ADGRF1: variants seen among roughly 807,000 people sequenced by gnomAD.
ADGRF1 encodes the protein G protein-coupled receptor 110.
Under a neutral mutation model 87.2 loss-of-function variants are expected in ADGRF1, and 85 were observed. That is an observed-to-expected ratio of 0.97 (90% CI 0.82 to 1.17). ADGRF1 has a LOEUF of 1.17. Among genes scored for constraint, ADGRF1 ranks in the 50% most tolerant of loss-of-function variants. The pLI, the probability that ADGRF1 is intolerant of heterozygous loss-of-function variation, is 0.00. For missense variants in ADGRF1, 1,169 were observed against 1,077.2 expected (o/e 1.09, Z -1.19); for synonymous variants, 430 against 408.8 (o/e 1.05, Z -0.63).
At chr6:47,019,447 G>A in intron 7 of ADGRF1, 2 of 799,688 alleles carry the variant, frequency 2.5e-6, no homozygotes, top group South Asian at 5.7e-5. Context: ...ACTTTGGGAA[G>A]CCGAGGCAGG....
At chr6:47,032,605 G>C (rs374712622) in intron 1 of ADGRF1, among the ~76,000 whole-genome samples, 8 of 152,170 alleles carry the variant, frequency 5.3e-5, no homozygotes, top group African/African-American at 1.9e-4. Context: ...TTATCAACTG[G>C]ATGCCCTTTG....
chr6:47,016,214 TTG>T (rs141321066), intron 8 of ADGRF1, among the ~76,000 whole-genome samples: 1 of 151,798 alleles, frequency 6.6e-6, no homozygotes, highest in South Asian at 2.1e-4. Flanking sequence ...GAAAAACAGT[TTG>T]TGTGTGTGTG....
rs778795668 is a variant in ADGRF1, at chr6:47,009,782, T to C, written c.1653A>G (p.Leu551=). 7 of 1,614,036 alleles carry C rather than the reference T, an allele frequency of 4.3e-6. No individual in the cohort carries two copies. The highest frequency in any genetic ancestry group is 5.1e-6 in the Non-Finnish European group (6 of 1,180,024). Reference sequence around the variant, plus strand: ...TCACGATGTCTTGAGTTTCATTCACTAGGTGGCAGCCTGCATCGTTCCACT... The same window carrying C: ...TCACGATGTCTTGAGTTTCATTCACCAGGTGGCAGCCTGCATCGTTCCACT... The part of the protein sequence containing the change: ...HLQWNDAGCH[L]VNETQDIVTC... The change falls in exon 11 of 15, where the codon CTA becomes CTG. Residue 551 remains leucine (L), a synonymous_variant. Coordinates refer to ENST00000371253, the MANE Select transcript of ADGRF1 (RefSeq NM_153840.4).
At chr6:47,039,857 G>A (rs902015778) in intron 1 of ADGRF1, among the ~76,000 whole-genome samples, 2 of 152,126 alleles carry the variant, frequency 1.3e-5, no homozygotes, top group African/African-American at 4.8e-5. Context: ...AGCTACTCAG[G>A]AGGCTGAGAC....
At chr6:47,029,373 T>G (rs1780342510) in intron 1 of ADGRF1, among the ~76,000 whole-genome samples, 1 of 151,842 alleles carries the variant, frequency 6.6e-6, no homozygotes, top group Non-Finnish European at 1.5e-5. Context: ...TTTTTTTTAA[T>G]CGTGACTTGC....
At position 47,014,714 on chromosome 6, in the gene ADGRF1, A is replaced by G; in HGVS notation, c.894T>C (p.Thr298=). 1 of 1,613,724 alleles carries G rather than the reference A, an allele frequency of 6.2e-7. No homozygotes were observed. ...ESSGWQVIRE[T]CVLSLLEELN... ...GTTCTTCAAGCAGAGAGAGCACACA[A>G]GTCTCCCTGATGACCTGCCACCCAG... The change falls in exon 9 of 15, where the codon ACT becomes ACC. Residue 298 remains threonine (T), a synonymous_variant. Coordinates refer to ENST00000371253, the MANE Select transcript of ADGRF1 (RefSeq NM_153840.4).
chr6:47,021,670 T>A (rs2113894743), intron 6 of ADGRF1, among the ~76,000 whole-genome samples: 1 of 152,216 alleles, frequency 6.6e-6, no homozygotes, highest in Middle Eastern at 3.4e-3. Context: ...CCATAAAAAT[T>A]TTTTATAAAA....
chr6:47,033,194 C>G (rs1282328865), intron 1 of ADGRF1, among the ~76,000 whole-genome samples: 1 of 152,228 alleles, frequency 6.6e-6, no homozygotes, highest in Non-Finnish European at 1.5e-5. Context: ...GTGTGGGCAC[C>G]AGCTTCCGTG....
intron 13 of ADGRF1, among the ~76,000 whole-genome samples, chr6:47,004,669 G>T (rs1779466443): frequency 6.6e-6 from 1 of 152,130 alleles, no homozygotes; most frequent in Non-Finnish European, 1.5e-5. Flanking sequence ...CTTTTCTTAA[G>T]TGTAGGTAAT....
intron 9 of ADGRF1, chr6:47,013,068 G>A (rs1475783060): frequency 4.3e-5 from 42 of 985,184 alleles, no homozygotes; most frequent in East Asian, 1.1e-4. Flanking sequence ...CACTGCACCC[G>A]GCCCTAGATT....
chr6:47,001,413 T>G, intron 14 of ADGRF1, 88 bp downstream of exon 14: 2 of 1,071,396 alleles, frequency 1.9e-6, no homozygotes, highest in Non-Finnish European at 2.8e-6. Context: ...CATGAGTTTC[T>G]TACATGTTGC....
chr6:47,033,293 C>T, intron 1 of ADGRF1, among the ~76,000 whole-genome samples: 1 of 152,204 alleles, frequency 6.6e-6, no homozygotes, highest in Non-Finnish European at 1.5e-5. Context: ...TTACAGGGAA[C>T]AATCATTAGA....
chr6:47,002,368 G>A (rs1779386686), intron 13 of ADGRF1, among the ~76,000 whole-genome samples: 1 of 151,612 alleles, frequency 6.6e-6, no homozygotes, highest in South Asian at 2.1e-4. Flanking sequence ...CTGGTATTAA[G>A]GCACACTGAG....
chr6:47,019,297 T>C, intron 7 of ADGRF1: 2 of 975,028 alleles, frequency 2.1e-6, no homozygotes, highest in Non-Finnish European at 2.4e-6. Flanking sequence ...AAGCAGTGTT[T>C]TTGCTGGTAT....
At chr6:47,018,734 A>G in intron 7 of ADGRF1, 1 of 319,372 alleles carries the variant, frequency 3.1e-6, no homozygotes. Context: ...CAACATGGTG[A>G]AACCCTTCTT....
At position 47,010,132 on chromosome 6, in the gene ADGRF1, G is replaced by T. The variant is rs758848670; in HGVS notation, c.1303C>A (p.Pro435Thr). The T allele has an allele frequency of 6.2e-7, 1 of 1,614,092 alleles. No homozygotes were observed. Among genetic ancestry groups the T allele is most frequent in the South Asian group, 1.1e-5 (1 of 91,078 alleles). The part of the protein sequence containing the change: ...SRKFIDWKGI[P>T]VNKSQLKRGY... The stretch of plus-strand genomic sequence containing the variant: ...CTTTTGAGTTGGCTTTTGTTCACTG[G>T]AATCCCTTTCCAGTCAATGAATTTC... The change falls in exon 11 of 15, where the codon CCA becomes ACA. Residue 435 changes from proline (P) to threonine (T), a missense_variant. By Grantham distance (38) the Pro-to-Thr change is conservative (BLOSUM62 -1). Transcript: ENST00000371253.
intron 4 of ADGRF1, among the ~76,000 whole-genome samples, chr6:47,024,860 A>C (rs1157289712): frequency 6.6e-6 from 1 of 152,226 alleles, no homozygotes; most frequent in Non-Finnish European, 1.5e-5. Context: ...ATTAGCATGC[A>C]AAAGAAGGAT....
intron 5 of ADGRF1, 45 bp from the exon 6 acceptor site, chr6:47,022,103 C>T (rs772830976): frequency 1.9e-6 from 2 of 1,038,100 alleles, no homozygotes; most frequent in South Asian, 1.4e-5. Context: ...AAATTTCTAA[C>T]TTGATTTACT....
intron 1 of ADGRF1, among the ~76,000 whole-genome samples, chr6:47,029,360 T>A (rs1232336635): frequency 1.3e-5 from 2 of 148,310 alleles, no homozygotes; most frequent in Non-Finnish European, 3.0e-5. Flanking sequence ...AAACACAGGT[T>A]TTTTTTTTTT....
Sources: gnomAD v4.1 joint callset for allele counts (sites outside exome capture counted in the v4.1 genomes callset) on GRCh38, gnomAD v4.1.1 for gene constraint, MANE v1.5 for transcripts, NCBI Gene and HGNC (gene_info 2026-07-23, HGNC 2026-07-21) for gene names.